NBAS: variants seen among roughly 807,000 people sequenced by gnomAD.
The protein encoded by NBAS is NAG/BC035112 fusion.
Under a neutral mutation model 302.5 loss-of-function variants are expected in NBAS, and 219 were observed. The ratio of observed to expected loss-of-function variants is 0.72; its 90% CI spans 0.65 to 0.81. The LOEUF (loss-of-function observed/expected upper bound fraction) is 0.81, where lower values mean the gene tolerates loss of function less well. Ranked by LOEUF, NBAS falls within the 30% of genes least tolerant of loss-of-function variation. The pLI is 0.00. For synonymous variants in NBAS, 1,118 were observed against 1,021.6 expected (o/e 1.09, Z -1.80); for missense variants, 2,932 against 2,841.6 (o/e 1.03, Z -0.72).
At chr2:15,107,169 T>C in the NBAS span, among the ~76,000 whole-genome samples, 1 of 152,016 alleles carries the variant, frequency 6.6e-6, no homozygotes, top group Non-Finnish European at 1.5e-5. Context: ...AATGAACTTA[T>C]AGGGGTAGGA....
chr2:15,254,703 T>C (rs1158986891), intron 44 of NBAS, among the ~76,000 whole-genome samples: 1 of 152,148 alleles, frequency 6.6e-6, no homozygotes, highest in Admixed American at 6.6e-5. Flanking sequence ...CCCTCCACCC[T>C]TCCCCACCAA....
At chr2:15,059,912 G>T in the NBAS span, among the ~76,000 whole-genome samples, 1 of 134,492 alleles carries the variant, frequency 7.4e-6, no homozygotes, top group African/African-American at 2.6e-5. Context: ...TTGTAGTCAT[G>T]AACTAATGAT....
chr2:15,519,291 T>C (rs1254715583), intron 9 of NBAS, among the ~76,000 whole-genome samples: 1 of 152,192 alleles, frequency 6.6e-6, no homozygotes, highest in Non-Finnish European at 1.5e-5. Context: ...TTGTCCAGTA[T>C]CACATACGGT....
At chr2:15,473,969 C>T in intron 15 of NBAS, 98 bp downstream of exon 15, 1 of 1,438,906 alleles carries the variant, frequency 6.9e-7, no homozygotes, top group Admixed American at 1.7e-5. Flanking sequence ...TCCAACATCC[C>T]TCTTGAAATT....
chr2:15,320,426 G>C (rs923353149), intron 38 of NBAS, among the ~76,000 whole-genome samples: 2 of 152,060 alleles, frequency 1.3e-5, no homozygotes, highest in Admixed American at 6.6e-5. Context: ...GGAAATAAAG[G>C]GTATTCAATT....
chr2:15,332,482 A>G (rs949357658), intron 35 of NBAS, among the ~76,000 whole-genome samples: 1 of 152,158 alleles, frequency 6.6e-6, no homozygotes, highest in African/African-American at 2.4e-5. Context: ...CTTACAATTT[A>G]CCCAACTGGC....
chr2:14,957,028 G>A, the NBAS span, among the ~76,000 whole-genome samples: 1 of 152,094 alleles, frequency 6.6e-6, no homozygotes, highest in South Asian at 2.1e-4. Flanking sequence ...ATACAAAGTG[G>A]CAAATTTGGA....
At chr2:15,279,992 C>T (rs954866028) in intron 42 of NBAS, among the ~76,000 whole-genome samples, 2 of 152,074 alleles carry the variant, frequency 1.3e-5, no homozygotes, top group East Asian at 1.9e-4. Flanking sequence ...TAATGATTAC[C>T]CTTCAAACCT....
At chr2:14,869,691 C>T in the NBAS span, among the ~76,000 whole-genome samples, 3 of 152,080 alleles carry the variant, frequency 2.0e-5, no homozygotes, top group Admixed American at 6.6e-5. Flanking sequence ...TCCTCAACTC[C>T]GAGATTTCTG....
chr2:15,553,451 C>T lies in NBAS; in HGVS notation c.310G>A (p.Val104Ile). Residue 104 changes from valine to isoleucine, a missense_variant, in exon 5 of 52, where the codon GTT (valine) becomes ATT (isoleucine). Coordinates refer to ENST00000281513, the MANE Select transcript of NBAS (RefSeq NM_015909.4). ...CTGATTTCCACACACTGATCTTGAA[C>T]AGCAGCCAAAAGCTTTCCATTGCTT... ...LASNGKLLAA[V>I]QDQCVEIRSA... 5 of 1,611,672 alleles carry T rather than the reference C, an allele frequency of 3.1e-6. No homozygotes were observed. Among genetic ancestry groups the T allele is most frequent in the Non-Finnish European group, 4.2e-6 (5 of 1,177,914 alleles).
At chr2:15,387,355 T>C (rs910487204) in intron 28 of NBAS, among the ~76,000 whole-genome samples, 21 of 151,968 alleles carry the variant, frequency 1.4e-4, no homozygotes, top group Middle Eastern at 3.4e-3. Context: ...GCGTAATGAA[T>C]GTATGAATAT....
chr2:15,029,559 A>G, the NBAS span, among the ~76,000 whole-genome samples: 1 of 152,248 alleles, frequency 6.6e-6, no homozygotes, highest in Non-Finnish European at 1.5e-5. Context: ...GAAACCCATT[A>G]CGGGGCCTCG....
rs1296281179 is a variant in NBAS at position 15,522,317 on chromosome 2, T to G, written c.747-10967A>C. 3.3e-5 allele frequency among the ~76,000 whole-genome samples: 5 copies of G among 152,258 alleles called. No individual in the cohort carries two copies. The East Asian group carries it at 9.6e-4, about 29-fold the overall frequency. On this transcript the variant is annotated intron_variant, in intron 9 of 51. Coordinates refer to ENST00000281513, the MANE Select transcript of NBAS (RefSeq NM_015909.4). ...ACTAAAGAAGAAGAATCAATAAGGC[T>G]TGAAGATCATGAGTTGAGAATTATC...
chr2:15,142,845 G>C, the NBAS span, among the ~76,000 whole-genome samples: 1 of 152,152 alleles, frequency 6.6e-6, no homozygotes, highest in Non-Finnish European at 1.5e-5. Flanking sequence ...TACATCTAGC[G>C]TACAGATGAG....
chr2:15,557,766 GGAGTAAC>G (rs1664716020), intron 2 of NBAS, among the ~76,000 whole-genome samples: 6 of 145,406 alleles, frequency 4.1e-5, no homozygotes, highest in African/African-American at 7.4e-5. Context: ...AAATCATAAA[GGAGTAAC>G]GGCACCTTTC....
intron 44 of NBAS, among the ~76,000 whole-genome samples, chr2:15,268,066 A>T (rs1669154656): frequency 6.6e-6 from 1 of 152,168 alleles, no homozygotes; most frequent in Admixed American, 6.5e-5. Context: ...TTTATAATTT[A>T]TTGTTAGCTA....
the NBAS span, among the ~76,000 whole-genome samples, chr2:15,119,434 A>C: frequency 6.7e-6 from 1 of 149,710 alleles, no homozygotes; most frequent in South Asian, 2.1e-4. Context: ...TCAGCCTCCC[A>C]AGTTCCAGGG....
the NBAS span, among the ~76,000 whole-genome samples, chr2:14,983,794 C>T: frequency 6.6e-6 from 1 of 152,266 alleles, no homozygotes; most frequent in Admixed American, 6.5e-5. Context: ...GAACATTAAA[C>T]ATACAAATGG....
chr2:15,292,314 A>C (rs1003673795), intron 41 of NBAS, among the ~76,000 whole-genome samples: 1 of 152,212 alleles, frequency 6.6e-6, no homozygotes, highest in Non-Finnish European at 1.5e-5. Context: ...AATGATTTAA[A>C]CATCATGGGA....
Sources: gnomAD v4.1 joint callset for allele counts (sites outside exome capture counted in the v4.1 genomes callset) on GRCh38, gnomAD v4.1.1 for gene constraint, MANE v1.5 for transcripts, NCBI Gene and HGNC (gene_info 2026-07-23, HGNC 2026-07-21) for gene names.